HIP1: variants seen among roughly 807,000 people sequenced by gnomAD.
HIP1 encodes huntingtin-interacting protein 1.
HIP1 carries 65 observed loss-of-function variants against 147.6 expected under a neutral mutation model. That is an observed-to-expected ratio of 0.44 (90% CI 0.36 to 0.54). The LOEUF (loss-of-function observed/expected upper bound fraction) is 0.54. Among genes scored for constraint, HIP1 ranks in the 20% least tolerant of loss-of-function variants. The probability of loss-of-function intolerance (pLI) is 0.00; values close to 1 mark genes in which losing one functional copy is unlikely to be tolerated. For synonymous variants in HIP1, 479 were observed against 504.0 expected, an observed-to-expected ratio of 0.95 and a Z score of 0.67; for missense variants, 1,061 against 1,299.6, an observed-to-expected ratio of 0.82 and a Z score of 2.82.
rs1430387634 is a variant in HIP1 at position 75,538,048 on chromosome 7, A to C, written c.*124T>G. The C allele has an allele frequency of 1.1e-5, 9 of 788,136 alleles. No individual in the cohort carries two copies. Among genetic ancestry groups the C allele is most frequent in the Admixed American group, 1.8e-5 (1 of 56,856 alleles). The allele number at this position is 788,136 out of a possible 1,614,324, so 48.8% of individuals were successfully genotyped here. On this transcript the variant is annotated 3_prime_UTR_variant, in exon 31 of 31. Coordinates refer to ENST00000336926, the MANE Select transcript of HIP1 (RefSeq NM_005338.7). Reference sequence around the variant, plus strand: ...TGGAAGTGTCATGCATGTCCTCGGCACTGGGTAATGGCAGTGGTGTGGCTG... The same window carrying C: ...TGGAAGTGTCATGCATGTCCTCGGCCCTGGGTAATGGCAGTGGTGTGGCTG...
intron 1 of HIP1, among the ~76,000 whole-genome samples, chr7:75,618,080 C>A (rs1050101190): frequency 1.3e-5 from 2 of 152,242 alleles, no homozygotes; most frequent in Non-Finnish European, 2.9e-5. Flanking sequence ...GCCCTCCCCA[C>A]AAACCACCAG....
rs1794127632 is a variant in HIP1 at position 75,537,452 on chromosome 7, G to A, written c.*720C>T. On this transcript the variant is annotated 3_prime_UTR_variant, in exon 31 of 31. Transcript: ENST00000336926. The stretch of plus-strand genomic sequence containing the variant: ...ACCATCGCTGGAGCTACCACAGTTG[G>A]GGGGCCCTGGAGACTCAGCCCCAGG... 4.3e-6 allele frequency: 1 copy of A among 232,622 alleles called. No individual in the cohort carries two copies. The highest frequency in any genetic ancestry group is 2.2e-5 in the African/African-American group (1 of 45,166). The allele number at this position is 232,622 out of a possible 1,614,324, so 14.4% of individuals were successfully genotyped here. A position where few individuals can be genotyped will look rare whatever the true frequency, so the allele number is the denominator to read the frequency against.
Position 75,559,929 on chromosome 7 carries a change from C to G in HIP1, c.1192-14G>C. On this transcript the variant is annotated splice_polypyrimidine_tract_variant and intron_variant, in intron 13 of 30. Coordinates refer to ENST00000336926, the MANE Select transcript of HIP1 (RefSeq NM_005338.7). ...AACCCGCTGGCTCTGTGGGGGGACTCCGGTCATGAGGCCAACCGCCCACTG... is the reference window on the plus strand; with the variant it reads ...AACCCGCTGGCTCTGTGGGGGGACTGCGGTCATGAGGCCAACCGCCCACTG... 1 of 1,582,396 alleles carries G rather than the reference C, an allele frequency of 6.3e-7. No homozygotes were observed. The highest frequency in any genetic ancestry group is 8.6e-7 in the Non-Finnish European group (1 of 1,167,054).
intron 5 of HIP1, among the ~76,000 whole-genome samples, chr7:75,583,271 A>G (rs977934333): frequency 7.9e-5 from 12 of 152,030 alleles, no homozygotes; most frequent in African/African-American, 2.7e-4. Flanking sequence ...CACTGCTTGG[A>G]AGACCTGCTG....
rs985875093 is a variant in HIP1, at chr7:75,538,016, G to A, written c.*156C>T. The A allele has an allele frequency of 2.3e-5, 16 of 704,468 alleles. No individual in the cohort carries two copies. The highest frequency in any genetic ancestry group is 3.9e-5 in the Non-Finnish European group (15 of 381,728). 43.6% of individuals were successfully genotyped at this position (704,468 alleles called of 1,614,324 possible). ...AACAGAAAGGGTGTCGCTATGGAGG[G>A]AGTCTTTGGAAGTGTCATGCATGTC... On this transcript the variant is annotated 3_prime_UTR_variant, in exon 31 of 31. Coordinates refer to ENST00000336926, the MANE Select transcript of HIP1 (RefSeq NM_005338.7).
At chr7:75,653,652 A>C (rs1391883483) in intron 1 of HIP1, among the ~76,000 whole-genome samples, 1 of 152,002 alleles carries the variant, frequency 6.6e-6, no homozygotes, top group African/African-American at 2.4e-5. Flanking sequence ...TGAGCTCAGG[A>C]GTTTGAGACT....
At chr7:75,589,718 C>CAT (rs111865312) in intron 4 of HIP1, among the ~76,000 whole-genome samples, 14 of 93,422 alleles carry the variant, frequency 1.5e-4, no homozygotes, top group African/African-American at 4.7e-4. Flanking sequence ...AAAAAAAAGA[C>CAT]TTTTTTTTTG....
At chr7:75,669,483 A>G (rs1348968091) in intron 1 of HIP1, among the ~76,000 whole-genome samples, 6 of 152,106 alleles carry the variant, frequency 3.9e-5, no homozygotes, top group Non-Finnish European at 8.8e-5. Context: ...AATCACTTGA[A>G]CCCGGGAGGC....
intron 1 of HIP1, among the ~76,000 whole-genome samples, chr7:75,698,169 T>C (rs1273039374): frequency 6.6e-6 from 1 of 152,086 alleles, no homozygotes; most frequent in African/African-American, 2.4e-5. Context: ...TCCTCCCAAG[T>C]CACGCTTTAT....
intron 22 of HIP1, among the ~76,000 whole-genome samples, chr7:75,551,398 A>G (rs587674279): frequency 6.6e-6 from 1 of 151,638 alleles, no homozygotes; most frequent in East Asian, 1.9e-4. Context: ...TATTTTTAAT[A>G]GAGATGGAGT....
intron 1 of HIP1, among the ~76,000 whole-genome samples, chr7:75,730,977 C>T (rs562301534): frequency 4.0e-5 from 6 of 151,412 alleles, no homozygotes; most frequent in African/African-American, 7.3e-5. Context: ...TCAAGTGATC[C>T]GCCCGCCTCA....
intron 25 of HIP1, among the ~76,000 whole-genome samples, chr7:75,545,926 C>A (rs587649388): frequency 2.6e-5 from 4 of 152,174 alleles, no homozygotes; most frequent in South Asian, 2.1e-4. Flanking sequence ...GGCGACAGAG[C>A]GAGACTCAGT....
Position 75,652,391 on chromosome 7 carries a change from TG to T in HIP1, c.121-53145del, listed in dbSNP as rs547740076. On this transcript the variant is annotated intron_variant, in intron 1 of 30. Coordinates refer to ENST00000336926, the MANE Select transcript of HIP1 (RefSeq NM_005338.7). The stretch of plus-strand genomic sequence containing the variant: ...GTTTACATTTTCATTTTTTAAGAGA[TG>T]GGGTGTTGCTCTGTCATCTGGAGTG... 4.6e-5 allele frequency among the ~76,000 whole-genome samples: 7 copies of T among 152,072 alleles called. No homozygotes were observed. In the South Asian group the frequency reaches 1.4e-3, roughly 31 times the overall value.
At chr7:75,554,063 G>C in intron 21 of HIP1, 50 bp downstream of exon 21, 1 of 1,416,796 alleles carries the variant, frequency 7.1e-7, no homozygotes, top group South Asian at 1.2e-5. Context: ...ACTTTTAAAG[G>C]CCCCCTGCTC....
chr7:75,709,551 G>A (rs1801104634), intron 1 of HIP1, among the ~76,000 whole-genome samples: 1 of 152,148 alleles, frequency 6.6e-6, no homozygotes, highest in South Asian at 2.1e-4. Flanking sequence ...TGCTGAATTT[G>A]CTTATTGGTT....
chr7:75,574,430 A>G (rs1038598782), intron 7 of HIP1, among the ~76,000 whole-genome samples: 13 of 150,774 alleles, frequency 8.6e-5, no homozygotes, highest in Non-Finnish European at 1.9e-4. Flanking sequence ...CTCTACTAAA[A>G]ATACAAAAAT....
chr7:75,554,802 G>T (rs1338662909), intron 19 of HIP1, among the ~76,000 whole-genome samples: 1 of 152,084 alleles, frequency 6.6e-6, no homozygotes, highest in Admixed American at 6.6e-5. Context: ...TGGGCCTGGC[G>T]TGGTGTCTCA....
intron 1 of HIP1, among the ~76,000 whole-genome samples, chr7:75,661,801 G>A (rs1362690722): frequency 6.6e-6 from 1 of 151,946 alleles, no homozygotes; most frequent in Non-Finnish European, 1.5e-5. Context: ...TGGAGCCACT[G>A]GGGGAGGATG....
rs782165525 is a variant in HIP1 at position 75,592,464 on chromosome 7, C to T, written c.235G>A (p.Val79Ile). ...CTAGACAGAGGCAGGCGGTTGACAA[C>T]AGACCAGAAGGTCTGTGCCCCTTTC... ...HEKGAQTFWSVVNRLPLSSNA... is the reference protein window; with the variant it reads ...HEKGAQTFWSIVNRLPLSSNA... Residue 79 changes from valine to isoleucine, a missense_variant, in exon 3 of 31, where the codon GTT (valine) becomes ATT (isoleucine). By Grantham distance (29) the Val-to-Ile change is conservative (BLOSUM62 3). Transcript: ENST00000336926. The T allele has an allele frequency of 8.1e-6, 13 of 1,612,224 alleles. No homozygotes were observed. The highest frequency in any genetic ancestry group is 1.1e-5 in the Non-Finnish European group (13 of 1,179,640).
Sources: gnomAD v4.1 joint callset for allele counts (sites outside exome capture counted in the v4.1 genomes callset) on GRCh38, gnomAD v4.1.1 for gene constraint, MANE v1.5 for transcripts, NCBI Gene and HGNC (gene_info 2026-07-23, HGNC 2026-07-21) for gene names.